NELL1: variants seen among roughly 807,000 people sequenced by gnomAD.
The protein encoded by NELL1 is protein kinase C-binding protein NELL1.
NELL1 carries 76 observed loss-of-function variants against 107.4 expected under a neutral mutation model. The ratio of observed to expected loss-of-function variants is 0.71; its 90% confidence interval spans 0.59 to 0.86. NELL1 has a LOEUF of 0.86. Ranked by LOEUF, NELL1 falls within the 40% of genes least tolerant of loss-of-function variation. NELL1 has a pLI of 0.00. For synonymous variants in NELL1, 353 were observed against 341.2 expected (o/e 1.03, Z -0.38); for missense variants, 1,024 against 1,005.5 (o/e 1.02, Z -0.25).
At chr11:21,315,890 AGTGTGTGT>A (rs10535605) in intron 14 of NELL1, among the ~76,000 whole-genome samples, 11 of 149,664 alleles carry the variant, frequency 7.3e-5, no homozygotes, top group African/African-American at 2.2e-4. Flanking sequence ...TGGTGGTGTG[AGTGTGTGT>A]GTGTGTGTGT....
At chr11:20,785,266 C>T (rs986964082) in intron 3 of NELL1, among the ~76,000 whole-genome samples, 1 of 152,192 alleles carries the variant, frequency 6.6e-6, no homozygotes, top group East Asian at 1.9e-4. Context: ...AGCCTCAAAG[C>T]GTGGTGATGG....
At chr11:21,137,297 G>A (rs960222605) in intron 13 of NELL1, among the ~76,000 whole-genome samples, 2 of 152,198 alleles carry the variant, frequency 1.3e-5, no homozygotes, top group Non-Finnish European at 2.9e-5. Context: ...GGAGGTGGAA[G>A]AAGCAGTAGT....
At chr11:21,114,061 G>A (rs982086215) in intron 13 of NELL1, among the ~76,000 whole-genome samples, 11 of 151,950 alleles carry the variant, frequency 7.2e-5, no homozygotes, top group Non-Finnish European at 1.3e-4. Context: ...AGGTGTTTTT[G>A]TAGATAAGAA....
chr11:21,447,244 A>C (rs1853455627), intron 15 of NELL1, among the ~76,000 whole-genome samples: 1 of 152,152 alleles, frequency 6.6e-6, no homozygotes, highest in Non-Finnish European at 1.5e-5. Flanking sequence ...GGGGAACCCT[A>C]GAGCCCCTTT....
At chr11:21,102,203 G>A (rs1054042390) in intron 12 of NELL1, among the ~76,000 whole-genome samples, 1 of 152,092 alleles carries the variant, frequency 6.6e-6, no homozygotes, top group Non-Finnish European at 1.5e-5. Context: ...GCTTCCCTAA[G>A]GAGTCTTTTA....
chr11:21,565,002 A>T (rs1181450265), intron 17 of NELL1, among the ~76,000 whole-genome samples: 1 of 151,940 alleles, frequency 6.6e-6, no homozygotes, highest in African/African-American at 2.4e-5. Context: ...CCTTCCTAAG[A>T]ATAGGACTTA....
At chr11:20,811,853 A>AAT (rs1483535538) in intron 3 of NELL1, among the ~76,000 whole-genome samples, 1 of 152,032 alleles carries the variant, frequency 6.6e-6, no homozygotes, top group Admixed American at 6.6e-5. Context: ...GGTTTTATAT[A>AAT]ATATATATAA....
intron 4 of NELL1, among the ~76,000 whole-genome samples, chr11:20,882,866 C>G (rs560085288): frequency 1.3e-5 from 2 of 152,260 alleles, no homozygotes; most frequent in South Asian, 4.1e-4. Flanking sequence ...TAATCTCCAA[C>G]TGTTGTTCAG....
At chr11:21,261,913 C>CA (rs1490669530) in intron 14 of NELL1, among the ~76,000 whole-genome samples, 1 of 151,838 alleles carries the variant, frequency 6.6e-6, no homozygotes. Context: ...TTAAATAGCA[C>CA]ATTTCTTTGC....
intron 15 of NELL1, among the ~76,000 whole-genome samples, chr11:21,435,402 T>G (rs956281946): frequency 2.0e-5 from 3 of 151,506 alleles, no homozygotes; most frequent in Admixed American, 6.6e-5. Context: ...TTGTTTGTTT[T>G]TTACCATGAA....
At chr11:21,249,722 T>C (rs1445741310) in intron 14 of NELL1, among the ~76,000 whole-genome samples, 2 of 152,200 alleles carry the variant, frequency 1.3e-5, no homozygotes, top group African/African-American at 2.4e-5. Flanking sequence ...TTGATGCTAA[T>C]GTTCACTTGA....
chr11:20,872,147 T>A (rs1849213066), intron 4 of NELL1, among the ~76,000 whole-genome samples: 2 of 145,578 alleles, frequency 1.4e-5, no homozygotes, highest in African/African-American at 5.0e-5. Flanking sequence ...GGGCAGATAA[T>A]ACCAAATGAG....
At chr11:21,151,912 T>C (rs7129124) in intron 13 of NELL1, among the ~76,000 whole-genome samples, 46,572 of 152,096 alleles carry the variant, frequency 0.31, 7,797 homozygotes, top group East Asian at 0.56. Context: ...GAAACATCTA[T>C]CTCCATCCAT....
At chr11:21,032,621 C>T in intron 12 of NELL1, among the ~76,000 whole-genome samples, 1 of 152,152 alleles carries the variant, frequency 6.6e-6, no homozygotes, top group Non-Finnish European at 1.5e-5. Context: ...AACTCCTGAA[C>T]TTGTGATTCA....
chr11:21,072,379 G>C (rs1854036195), intron 12 of NELL1, among the ~76,000 whole-genome samples: 1 of 152,252 alleles, frequency 6.6e-6, no homozygotes, highest in South Asian at 2.1e-4. Flanking sequence ...CACTATTATT[G>C]TCCTGTATAA....
chr11:21,384,578 C>T (rs1167092536), intron 15 of NELL1, among the ~76,000 whole-genome samples: 2 of 152,018 alleles, frequency 1.3e-5, no homozygotes, highest in East Asian at 2.0e-4. Flanking sequence ...GTATATCTCC[C>T]AGTGCTATCC....
chr11:21,302,528 G>T (rs897324256), intron 14 of NELL1, among the ~76,000 whole-genome samples: 7 of 152,046 alleles, frequency 4.6e-5, no homozygotes, highest in African/African-American at 7.2e-5. Context: ...TACATGAAAG[G>T]TGGGCTCATT....
intron 14 of NELL1, among the ~76,000 whole-genome samples, chr11:21,276,040 G>A (rs1191280392): frequency 6.6e-6 from 1 of 152,172 alleles, no homozygotes; most frequent in Non-Finnish European, 1.5e-5. Context: ...AGTATTGGAA[G>A]TTCTGGCCAG....
intron 14 of NELL1, among the ~76,000 whole-genome samples, chr11:21,335,612 C>T (rs542936184): frequency 5.9e-5 from 9 of 152,002 alleles, no homozygotes; most frequent in Non-Finnish European, 7.4e-5. Context: ...GCAGATGGAT[C>T]CCCACTGTCA....
Sources: gnomAD v4.1 joint callset for allele counts (sites outside exome capture counted in the v4.1 genomes callset) on GRCh38, gnomAD v4.1.1 for gene constraint, MANE v1.5 for transcripts, NCBI Gene and HGNC (gene_info 2026-07-23, HGNC 2026-07-21) for gene names.